Variants in ITGB4 observed in about 807,000 individuals in gnomAD.
The protein encoded by ITGB4 is integrin subunit beta 4, also known as integrin beta-4.
Under a neutral mutation model 207.6 loss-of-function variants are expected in ITGB4, and 159 were observed. The ratio of observed to expected loss-of-function variants is 0.77; its 90% CI spans 0.67 to 0.87. The LOEUF (loss-of-function observed/expected upper bound fraction) is 0.87, where lower values mean the gene tolerates loss of function less well. ITGB4 is among the 40% of genes least tolerant of loss of function. ITGB4 has a pLI of 0.00. For missense variants in ITGB4, 2,278 were observed against 2,546.8 expected (o/e 0.89, Z 2.27); for synonymous variants, 1,020 against 1,062.7 (o/e 0.96, Z 0.78).
At position 75,727,587 on chromosome 17, in the gene ITGB4, G is replaced by A. The variant is rs2060748664; in HGVS notation, c.265-64G>A. On this transcript the variant is annotated intron_variant, in intron 4 of 39. Transcript: ENST00000200181. The surrounding 1 kb of genome is among the most constrained non-coding windows in gnomAD (Gnocchi z 6.0). ...GGGGTGTATAGTGCCCCTTGGCCGG[G>A]CTGGGCCCCCATCGGGCCTCCGGAG... is the stretch of plus-strand genomic sequence containing the variant. 1.3e-6 allele frequency: 2 copies of A among 1,582,926 alleles called. No homozygotes were observed. Among genetic ancestry groups the A allele is most frequent in the South Asian group, 1.1e-5 (1 of 88,388 alleles).
rs2060856562 is a variant in ITGB4 at position 75,731,459 on chromosome 17, C to T, written c.1215+91C>T. 2.2e-6 allele frequency: 3 copies of T among 1,361,068 alleles called. No homozygotes were observed. In the South Asian group the frequency reaches 3.9e-5, roughly 17 times the overall value. The allele number at this position is 1,361,068 out of a possible 1,614,324, so 84.3% of individuals were successfully genotyped here. ...TAAAACAGCGGTCAAGAGCGTGGCCCCTGGAGTCAGGCAGGCCTGGGTGCA... is the reference window on the plus strand; with the variant it reads ...TAAAACAGCGGTCAAGAGCGTGGCCTCTGGAGTCAGGCAGGCCTGGGTGCA... On this transcript the variant is annotated intron_variant, in intron 10 of 39. Coordinates refer to ENST00000200181, the MANE Select transcript of ITGB4 (RefSeq NM_000213.5). The surrounding 1 kb of genome is among the most constrained non-coding windows in gnomAD (Gnocchi z 6.8).
chr17:75,729,261 C>G lies in ITGB4; in HGVS notation c.567-4C>G. Reference sequence around the variant, plus strand: ...CACTCTCTCTCCCTCCCACCTCTGCCCAGGCTGAAGGAGCCCTGGCCCAAC... The same window carrying G: ...CACTCTCTCTCCCTCCCACCTCTGCGCAGGCTGAAGGAGCCCTGGCCCAAC... On this transcript the variant is annotated splice_polypyrimidine_tract_variant and splice_region_variant and intron_variant, in intron 6 of 39. Transcript: ENST00000200181. This position sits in a 1 kb window ranked among gnomAD's most constrained non-coding sequence, Gnocchi z 4.4. 6.2e-7 allele frequency: 1 copy of G among 1,614,038 alleles called. No individual in the cohort carries two copies. The highest frequency in any genetic ancestry group is 8.5e-7 in the Non-Finnish European group (1 of 1,179,946).
At chr17:75,734,136 T>TG (rs1336405121) in intron 13 of ITGB4, among the ~76,000 whole-genome samples, 4 of 141,116 alleles carry the variant, frequency 2.8e-5, no homozygotes, top group African/African-American at 1.1e-4. Context: ...TGTTTTTTTT[T>TG]TTTTTTTTTT....
chr17:75,739,569 T>G lies in ITGB4; in HGVS notation c.2221-103T>G, dbSNP rs1331544285. 2.3e-6 allele frequency: 3 copies of G among 1,320,680 alleles called. No homozygotes were observed. Among genetic ancestry groups the G allele is most frequent in the Non-Finnish European group, 3.3e-6 (3 of 917,256 alleles). The allele number at this position is 1,320,680 out of a possible 1,614,324, so 81.8% of individuals were successfully genotyped here. ...GATATTCTGGTGTCTGGGGAGGCACTGTCACCCCTCTTGACCATTGGCATG... is the reference window on the plus strand; with the variant it reads ...GATATTCTGGTGTCTGGGGAGGCACGGTCACCCCTCTTGACCATTGGCATG... On this transcript the variant is annotated intron_variant, in intron 18 of 39. Coordinates refer to ENST00000200181, the MANE Select transcript of ITGB4 (RefSeq NM_000213.5). This position sits in a 1 kb window ranked among gnomAD's most constrained non-coding sequence, Gnocchi z 5.4.
In ITGB4 at chr17:75,731,898, C is replaced by G; in HGVS notation, c.1302C>G (p.Ile434Met). Reference protein sequence around the residue: ...CQLPEDQKGNIHLKPSFSDGL... With the variant: ...CQLPEDQKGNMHLKPSFSDGL... ...TGCCGGAGGACCAGAAGGGCAACAT[C>G]CATCTGAAACCTTCCTTCTCCGACG... Residue 434 changes from isoleucine to methionine, a missense_variant, in exon 11 of 40, where the codon ATC becomes ATG. Transcript: ENST00000200181. The surrounding 1 kb of genome is among the most constrained non-coding windows in gnomAD (Gnocchi z 6.8). 1.2e-6 allele frequency: 2 copies of G among 1,614,090 alleles called. No homozygotes were observed. The highest frequency in any genetic ancestry group is 2.2e-5 in the East Asian group (1 of 44,884).
intron 5 of ITGB4, 116 bp from the exon 6 acceptor site, chr17:75,728,261 C>A: frequency 1.2e-6 from 1 of 803,234 alleles, no homozygotes; most frequent in Non-Finnish European, 2.2e-6. Flanking sequence ...CTTTGTCCAG[C>A]ATGCAAAGCG....
Position 75,750,551 on chromosome 17 carries a change from A to C in ITGB4, c.3475-129A>C. On this transcript the variant is annotated intron_variant, in intron 28 of 39. Transcript: ENST00000200181. This position sits in a 1 kb window ranked among gnomAD's most constrained non-coding sequence, Gnocchi z 5.5. ...CCTAGTCCTGACGTGTGCACATGGC[A>C]GATCTCTCAGCCCCTCCCTCGGGCC... 1 of 890,280 alleles carries C rather than the reference A, an allele frequency of 1.1e-6. No individual in the cohort carries two copies. The highest frequency in any genetic ancestry group is 1.8e-6 in the Non-Finnish European group (1 of 558,896). 55.1% of individuals were successfully genotyped at this position (890,280 alleles called of 1,614,324 possible).
rs1483290551 is a variant in ITGB4 at position 75,750,930 on chromosome 17, C to T, written c.3656-44C>T. 6.2e-7 allele frequency: 1 copy of T among 1,613,436 alleles called. No homozygotes were observed. The highest frequency in any genetic ancestry group is 8.5e-7 in the Non-Finnish European group (1 of 1,179,984). The stretch of plus-strand genomic sequence containing the variant: ...ATGCCAGCATGCCCAGACCTCCCTC[C>T]CTCTGCCACTGACAGCACTCTTCCT... On this transcript the variant is annotated intron_variant, in intron 29 of 39. Transcript: ENST00000200181. This position sits in a 1 kb window ranked among gnomAD's most constrained non-coding sequence, Gnocchi z 5.5.
At chr17:75,754,920 A>G in intron 34 of ITGB4, 105 bp downstream of exon 34, 1 of 1,565,204 alleles carries the variant, frequency 6.4e-7, no homozygotes, top group Non-Finnish European at 8.8e-7. Flanking sequence ...ATTCTCCAAC[A>G]TACACACACG....
chr17:75,724,701 A>G lies in ITGB4; in HGVS notation c.-3A>G. On this transcript the variant is annotated 5_prime_UTR_variant, in exon 2 of 40. Transcript: ENST00000200181. ...ATTGTTGCTGTTCTGCAGGAGGAAG[A>G]GGATGGCAGGGCCACGCCCCAGCCC... The G allele has an allele frequency of 6.2e-7, 1 of 1,612,834 alleles. No individual in the cohort carries two copies. The highest frequency in any genetic ancestry group is 8.5e-7 in the Non-Finnish European group (1 of 1,179,124).
chr17:75,736,812 G>C, intron 16 of ITGB4, 118 bp downstream of exon 16: 1 of 1,139,306 alleles, frequency 8.8e-7, no homozygotes, highest in Non-Finnish European at 1.3e-6. Context: ...CACACAGTCC[G>C]GACAGGAACT....
intron 26 of ITGB4, among the ~76,000 whole-genome samples, chr17:75,746,860 T>C (rs747758450): frequency 1.5e-4 from 21 of 136,876 alleles, no homozygotes; most frequent in Non-Finnish European, 2.6e-4. Context: ...GCCCAGTAGG[T>C]GGAGGTTGCA....
Position 75,754,828 on chromosome 17 carries a change from A to G in ITGB4, c.4558+13A>G, listed in dbSNP as rs762823073. The G allele has an allele frequency of 1.2e-6, 2 of 1,613,876 alleles. No homozygotes were observed. Among genetic ancestry groups the G allele is most frequent in the African/African-American group, 2.7e-5 (2 of 75,044 alleles). ...GTCTCCTCCCACGGTGAGTGACCTC[A>G]GCCAACCCTGCCTCTCCCACTAACC... On this transcript the variant is annotated intron_variant, in intron 34 of 39. Transcript: ENST00000200181.
rs1368580604 is a variant in ITGB4 at position 75,737,444 on chromosome 17, G to A, written c.2113G>A (p.Asp705Asn). 3 of 1,554,204 alleles carry A rather than the reference G, an allele frequency of 1.9e-6. No homozygotes were observed. The Admixed American group carries it at 5.9e-5, about 30-fold the overall frequency. ...CACTGTCCTGGTGCACAAGAAGAAG[G>A]GTGAGCTGGTGGGGCCGGGCGCAGG... ...NSTVLVHKKKDCPPGSFWWLI... is the reference protein window; with the variant it reads ...NSTVLVHKKKNCPPGSFWWLI... Residue 705 changes from aspartate to asparagine, a missense_variant and splice_region_variant, in exon 17 of 40, where the codon GAC becomes AAC. Transcript: ENST00000200181.
Position 75,724,759 on chromosome 17 carries a change from G to T in ITGB4, c.56G>T (p.Ser19Ile). The change falls in exon 2 of 40, where the codon AGC becomes ATC. Residue 19 changes from serine to isoleucine, a missense_variant. Transcript: ENST00000200181. ...WARLLLAALISVSLSGTLANR... is the reference protein window; with the variant it reads ...WARLLLAALIIVSLSGTLANR... ...AGGCTGCTCCTGGCAGCCTTGATCA[G>T]CGTCAGCCTCTCTGGGACCTTGGGT... 1 of 1,613,758 alleles carries T rather than the reference G, an allele frequency of 6.2e-7. No individual in the cohort carries two copies.
At position 75,728,474 on chromosome 17, in the gene ITGB4, G is replaced by T. The variant is rs2060774108; in HGVS notation, c.566+1G>T. 2 of 1,612,618 alleles carry T rather than the reference G, an allele frequency of 1.2e-6. No homozygotes were observed. The highest frequency in any genetic ancestry group is 1.7e-6 in the Non-Finnish European group (2 of 1,178,744). On this transcript the variant is annotated splice_donor_variant, in intron 6 of 39. Coordinates refer to ENST00000200181, the MANE Select transcript of ITGB4 (RefSeq NM_000213.5). LOFTEE classifies it high-confidence loss of function. ...CGCAGACGGACATGAGGCCTGAGAA[G>T]TAAGTGACTGTGTGGGTCCCGCAGG...
chr17:75,756,880 A>C (rs1487383687), intron 37 of ITGB4, 21 bp downstream of exon 37: 1 of 1,611,864 alleles, frequency 6.2e-7, no homozygotes, highest in Non-Finnish European at 8.5e-7. Flanking sequence ...CCCCGGGGGC[A>C]GGAGTGGCCA....
chr17:75,757,051 C>T lies in ITGB4; in HGVS notation c.5162C>T (p.Thr1721Ile). Residue 1721 changes from threonine (T) to isoleucine (I), a missense_variant, in exon 38 of 40, where the codon ACT becomes ATT. Coordinates refer to ENST00000200181, the MANE Select transcript of ITGB4 (RefSeq NM_000213.5). ...PYKFKVQART[T>I]EGFGPEREGI... ...AAGTTCAAGGTGCAGGCCAGGACCA[C>T]TGAGGGCTTCGGGCCAGAGCGCGAG... The T allele has an allele frequency of 6.2e-7, 1 of 1,612,984 alleles. No homozygotes were observed. Among genetic ancestry groups the T allele is most frequent in the South Asian group, 1.1e-5 (1 of 91,078 alleles).
intron 13 of ITGB4, 29 bp from the exon 14 acceptor site, chr17:75,736,022 T>G: frequency 6.2e-7 from 1 of 1,601,202 alleles, no homozygotes; most frequent in East Asian, 2.2e-5. Flanking sequence ...GATGTAGCTC[T>G]CATCTCCCTT....
Sources: allele counts gnomAD v4.1 joint callset (sites outside exome capture counted in the v4.1 genomes callset), GRCh38; gene constraint gnomAD v4.1.1; non-coding constraint Gnocchi (gnomAD v3.1); transcripts MANE v1.5; gene names NCBI Gene and HGNC (gene_info 2026-07-23, HGNC 2026-07-21).